FRMD6: variants seen among roughly 807,000 people sequenced by gnomAD.
FRMD6 encodes FERM domain containing 6.
FRMD6 carries 37 observed loss-of-function variants against 73.2 expected under a neutral mutation model. The observed-to-expected ratio is 0.51, with a 90% CI of 0.39 to 0.66. The LOEUF is 0.66. FRMD6 is among the 30% of genes least tolerant of loss of function. FRMD6 has a pLI of 0.00. For missense variants in FRMD6, 714 were observed against 780.5 expected (o/e 0.91, Z 1.02); for synonymous variants, 273 against 282.2 (o/e 0.97, Z 0.33).
intron 1 of FRMD6, among the ~76,000 whole-genome samples, chr14:51,569,858 C>T (rs1385301588): frequency 2.0e-5 from 3 of 151,244 alleles, no homozygotes; most frequent in Admixed American, 2.0e-4. Context: ...CTCTGTCGCC[C>T]AGGCTGGAGT....
At chr14:51,498,184 A>G (rs889645845) in intron 1 of FRMD6, among the ~76,000 whole-genome samples, 2 of 152,230 alleles carry the variant, frequency 1.3e-5, no homozygotes, top group South Asian at 4.1e-4. Flanking sequence ...CTATTTTAGC[A>G]TTTTGTGTAG....
In FRMD6 at chr14:51,540,087, C is replaced by T. The variant is rs1217803096; in HGVS notation, c.-209-30261C>T. Among the ~76,000 whole-genome samples, 6 of 152,042 alleles carry T rather than the reference C, an allele frequency of 3.9e-5. No homozygotes were observed. The South Asian group carries it at 6.2e-4, about 16-fold the overall frequency. Reference sequence around the variant, plus strand: ...TAAATATCAGTGGCAATAGTTAGAACGTGTTTTTTTTCTTAATTGAAATTC... The same window carrying T: ...TAAATATCAGTGGCAATAGTTAGAATGTGTTTTTTTTCTTAATTGAAATTC... On this transcript the variant is annotated intron_variant, in intron 1 of 14. Coordinates refer to the FRMD6 transcript ENST00000356218.
intron 2 of FRMD6, among the ~76,000 whole-genome samples, chr14:51,571,172 G>A (rs1158682321): frequency 1.3e-5 from 2 of 152,152 alleles, no homozygotes; most frequent in South Asian, 2.1e-4. Flanking sequence ...CCAAGAGTTT[G>A]GGACTAGCCT....
intron 1 of FRMD6, among the ~76,000 whole-genome samples, chr14:51,673,557 A>C (rs1894172996): frequency 6.6e-6 from 1 of 152,184 alleles, no homozygotes; most frequent in Non-Finnish European, 1.5e-5. Context: ...CAGTGTCTAA[A>C]AACCATTTGA....
chr14:51,709,776 A>G (rs1236630632), intron 7 of FRMD6, among the ~76,000 whole-genome samples: 1 of 152,192 alleles, frequency 6.6e-6, no homozygotes, highest in East Asian at 1.9e-4. Context: ...TTTAAAATGT[A>G]TTAGAAGTAT....
upstream of FRMD6, among the ~76,000 whole-genome samples, chr14:51,484,405 T>C (rs1882724549): frequency 6.6e-6 from 1 of 152,152 alleles, no homozygotes; most frequent in Admixed American, 6.5e-5. Context: ...GAATAGCCAC[T>C]CAACAGTCAC....
chr14:51,660,326 C>T (rs552534488), intron 1 of FRMD6, among the ~76,000 whole-genome samples: 23 of 152,184 alleles, frequency 1.5e-4, no homozygotes, highest in Admixed American at 2.0e-4. Flanking sequence ...GTTTTAGGGT[C>T]CAAAATCAAG....
intron 2 of FRMD6, among the ~76,000 whole-genome samples, chr14:51,593,659 G>A (rs557247897): frequency 1.3e-5 from 2 of 152,238 alleles, no homozygotes; most frequent in East Asian, 1.9e-4. Context: ...TTCTAATGAC[G>A]AATCCAGCTG....
At chr14:51,423,384 G>A in the FRMD6 span, among the ~76,000 whole-genome samples, 1 of 152,164 alleles carries the variant, frequency 6.6e-6, no homozygotes, top group African/African-American at 2.4e-5. Context: ...CCTTGTCTTG[G>A]AAAGGGGCTT....
chr14:51,639,789 A>G (rs1226656425), intron 2 of FRMD6, among the ~76,000 whole-genome samples: 4 of 152,180 alleles, frequency 2.6e-5, no homozygotes, highest in African/African-American at 9.7e-5. Flanking sequence ...TACAGTGGAG[A>G]TGAAATATGT....
At chr14:51,682,439 T>C (rs1372395599) in intron 1 of FRMD6, among the ~76,000 whole-genome samples, 1 of 152,136 alleles carries the variant, frequency 6.6e-6, no homozygotes, top group Non-Finnish European at 1.5e-5. Flanking sequence ...AATGAATGAA[T>C]GTATCAAGCA....
chr14:51,473,121 CT>C, the FRMD6 span, among the ~76,000 whole-genome samples: 1 of 152,188 alleles, frequency 6.6e-6, no homozygotes, highest in African/African-American at 2.4e-5. Context: ...GCTTCTGCCC[CT>C]GCCGGTCCTG....
At chr14:51,408,159 CTT>C in the FRMD6 span, among the ~76,000 whole-genome samples, 18 of 141,582 alleles carry the variant, frequency 1.3e-4, no homozygotes, top group Admixed American at 1.4e-4. Flanking sequence ...CTCAGCTATT[CTT>C]TTTTTTTTTT....
At chr14:51,725,229 A>G (rs1214870226) in intron 12 of FRMD6, among the ~76,000 whole-genome samples, 1 of 152,076 alleles carries the variant, frequency 6.6e-6, no homozygotes, top group Admixed American at 6.6e-5. Flanking sequence ...CGAGAAGGAG[A>G]CTGAGACACT....
At chr14:51,684,089 C>T (rs1566561945) in intron 1 of FRMD6, among the ~76,000 whole-genome samples, 1 of 151,942 alleles carries the variant, frequency 6.6e-6, no homozygotes, top group East Asian at 1.9e-4. Context: ...GTTTATCTCT[C>T]ACCTTAAGTG....
At chr14:51,625,482 A>G (rs1489956468) in intron 2 of FRMD6, among the ~76,000 whole-genome samples, 1 of 150,932 alleles carries the variant, frequency 6.6e-6, no homozygotes, top group African/African-American at 2.4e-5. Flanking sequence ...GTTGTTAATG[A>G]TGGTGAAAAA....
At chr14:51,639,644 A>ATTAT (rs1371167315) in intron 2 of FRMD6, among the ~76,000 whole-genome samples, 1 of 152,238 alleles carries the variant, frequency 6.6e-6, no homozygotes, top group African/African-American at 2.4e-5. Flanking sequence ...ATCAGCTGTC[A>ATTAT]TTATTTTAAA....
In FRMD6 at chr14:51,585,151, A is replaced by C. The variant is rs540107443; in HGVS notation, c.-147+14741A>C. ...ATGGAGTTCTTCCTTTCCACCAGGC[A>C]CGCTGTTCCTGTGACTGCTATTTTA... On this transcript the variant is annotated intron_variant, in intron 2 of 14. Transcript: ENST00000356218. Among the ~76,000 whole-genome samples, 3 of 152,274 alleles carry C rather than the reference A, an allele frequency of 2.0e-5. No individual in the cohort carries two copies. The South Asian group carries it at 6.2e-4, about 32-fold the overall frequency.
chr14:51,414,651 T>G, the FRMD6 span, among the ~76,000 whole-genome samples: 2 of 152,136 alleles, frequency 1.3e-5, no homozygotes, highest in Admixed American at 6.6e-5. Context: ...TTTTTTGGTT[T>G]CATATGAACT....
Sources: gnomAD v4.1 joint callset for allele counts (sites outside exome capture counted in the v4.1 genomes callset) on GRCh38, gnomAD v4.1.1 for gene constraint, MANE v1.5 for transcripts, NCBI Gene and HGNC (gene_info 2026-07-23, HGNC 2026-07-21) for gene names.